The following DCC variants were observed in gnomAD, a reference collection of about 807,000 sequenced individuals.
DCC encodes the protein DCC netrin 1 receptor.
In DCC, 58 loss-of-function variants were observed where a neutral mutation model predicts 172.5. The observed-to-expected ratio is 0.34, with a 90% CI of 0.27 to 0.42. The LOEUF is 0.42. Ranked by LOEUF, DCC falls within the 10% of genes least tolerant of loss-of-function variation. DCC has a pLI of 1.00. For missense variants in DCC, 1,740 were observed against 1,791.0 expected (o/e 0.97, Z 0.51); for synonymous variants, 709 against 644.5 (o/e 1.10, Z -1.52).
chr18:52,684,793 A>G (rs1295784069), intron 1 of DCC, among the ~76,000 whole-genome samples: 4 of 152,178 alleles, frequency 2.6e-5, no homozygotes, highest in Admixed American at 2.6e-4. Context: ...CTTCAAGTGT[A>G]CAGGTGGCTA....
intron 5 of DCC, among the ~76,000 whole-genome samples, chr18:53,020,548 C>T (rs1599034831): frequency 3.3e-5 from 5 of 152,236 alleles, no homozygotes; most frequent in Non-Finnish European, 7.4e-5. Context: ...TATTTCCTAA[C>T]AATGTGGCAT....
intron 5 of DCC, among the ~76,000 whole-genome samples, chr18:53,052,345 T>A (rs1346318648): frequency 1.3e-5 from 2 of 152,134 alleles, no homozygotes; most frequent in Non-Finnish European, 2.9e-5. Flanking sequence ...TCTTCTGGAT[T>A]AAGTTCTTTG....
chr18:52,393,339 A>G (rs1219655320), intron 1 of DCC, among the ~76,000 whole-genome samples: 1 of 152,106 alleles, frequency 6.6e-6, no homozygotes, highest in Admixed American at 6.6e-5. Flanking sequence ...TGGTTCTAAC[A>G]TGTACTTCCT....
At chr18:53,054,477 C>T (rs1036967784) in intron 5 of DCC, among the ~76,000 whole-genome samples, 2 of 152,100 alleles carry the variant, frequency 1.3e-5, no homozygotes, top group Middle Eastern at 3.4e-3. Context: ...TTAACAAAAG[C>T]GTAGCAATAA....
intron 1 of DCC, among the ~76,000 whole-genome samples, chr18:52,610,626 C>G (rs764430070): frequency 6.6e-6 from 1 of 151,846 alleles, no homozygotes; most frequent in Non-Finnish European, 1.5e-5. Flanking sequence ...GAATTGGCAG[C>G]CTTTCTCCTA....
chr18:52,425,110 G>A (rs1987380704), intron 1 of DCC, among the ~76,000 whole-genome samples: 1 of 152,070 alleles, frequency 6.6e-6, no homozygotes, highest in Admixed American at 6.6e-5. Flanking sequence ...GTGCTGATAA[G>A]TTTAGATATT....
intron 15 of DCC, among the ~76,000 whole-genome samples, chr18:53,356,412 G>A (rs374037438): frequency 7.2e-5 from 11 of 152,028 alleles, no homozygotes; most frequent in South Asian, 2.1e-4. Flanking sequence ...AGAGATGTTC[G>A]TGTTTTTAAA....
intron 1 of DCC, among the ~76,000 whole-genome samples, chr18:52,658,930 A>T (rs922745724): frequency 1.3e-5 from 2 of 152,226 alleles, no homozygotes; most frequent in Non-Finnish European, 2.9e-5. Context: ...AGAATTTGTC[A>T]TTCAATATAA....
At chr18:53,417,933 A>C (rs1910415479) in intron 21 of DCC, among the ~76,000 whole-genome samples, 1 of 152,186 alleles carries the variant, frequency 6.6e-6, no homozygotes, top group Non-Finnish European at 1.5e-5. Context: ...CCCAGTCCCT[A>C]TGATCACACA....
At chr18:52,408,463 T>A (rs72918820) in intron 1 of DCC, among the ~76,000 whole-genome samples, 16,801 of 152,104 alleles carry the variant, frequency 0.11, 1,011 homozygotes, top group Middle Eastern at 0.18. Context: ...TTTAGAAATA[T>A]GAGATAAGTT....
intron 1 of DCC, among the ~76,000 whole-genome samples, chr18:52,686,648 T>G (rs1236775988): frequency 1.3e-5 from 2 of 152,128 alleles, no homozygotes; most frequent in African/African-American, 4.8e-5. Context: ...TTCTATTTCT[T>G]GTGAACTGTG....
intron 2 of DCC, among the ~76,000 whole-genome samples, chr18:52,856,365 C>T (rs1000454233): frequency 6.6e-6 from 1 of 151,760 alleles, no homozygotes; most frequent in African/African-American, 2.4e-5. Context: ...GTGGCTCACG[C>T]CTGTAATCTC....
intron 9 of DCC, among the ~76,000 whole-genome samples, chr18:53,198,432 GCT>G (rs59665065): frequency 5.8e-4 from 86 of 149,208 alleles, no homozygotes; most frequent in African/African-American, 1.3e-3. Flanking sequence ...AAACTGAGCA[GCT>G]CTCTCTCTCT....
chr18:52,559,564 A>C (rs185967078), intron 1 of DCC, among the ~76,000 whole-genome samples: 2 of 152,244 alleles, frequency 1.3e-5, no homozygotes, highest in Non-Finnish European at 2.9e-5. Flanking sequence ...TCAAAATCGA[A>C]TTAGGTAATC....
intron 1 of DCC, among the ~76,000 whole-genome samples, chr18:52,477,969 C>G (rs957332914): frequency 6.6e-6 from 1 of 152,094 alleles, no homozygotes; most frequent in East Asian, 1.9e-4. Context: ...ACCACCATAC[C>G]CCGCTAATTT....
At chr18:52,816,858 A>G (rs1481898430) in intron 2 of DCC, 1 of 152,128 alleles carries the variant, frequency 6.6e-6, no homozygotes, top group Non-Finnish European at 1.5e-5. Context: ...AAAAGATTTT[A>G]TTTAATTAAA....
intron 1 of DCC, among the ~76,000 whole-genome samples, chr18:52,473,534 C>G (rs1030453236): frequency 1.3e-5 from 2 of 152,120 alleles, no homozygotes; most frequent in African/African-American, 4.8e-5. Context: ...AGGAAACTTA[C>G]AATCATAGTG....
chr18:53,074,266 A>G (rs2042694484), intron 7 of DCC, among the ~76,000 whole-genome samples: 1 of 152,208 alleles, frequency 6.6e-6, no homozygotes, highest in African/African-American at 2.4e-5. Flanking sequence ...GTGCCATACT[A>G]CAATGTTAAC....
At chr18:53,441,907 C>T (rs1182908830) in intron 22 of DCC, among the ~76,000 whole-genome samples, 4 of 152,114 alleles carry the variant, frequency 2.6e-5, no homozygotes, top group Admixed American at 2.0e-4. Context: ...AAAACTGGGT[C>T]CTCTTTCTCT....
Sources: gnomAD v4.1 joint callset for allele counts (sites outside exome capture counted in the v4.1 genomes callset) on GRCh38, gnomAD v4.1.1 for gene constraint, MANE v1.5 for transcripts, NCBI Gene and HGNC (gene_info 2026-07-23, HGNC 2026-07-21) for gene names.